LRRIQ3: variants seen among roughly 807,000 people sequenced by gnomAD.
LRRIQ3 encodes the protein leucine rich repeats and IQ motif containing 3.
A neutral mutation model predicts 59.3 loss-of-function variants in LRRIQ3; 75 were observed. That is an observed-to-expected ratio of 1.26 (90% CI 1.05 to 1.53). LRRIQ3 has a LOEUF of 1.53. Ranked by LOEUF, LRRIQ3 falls within the 40% of genes most tolerant of loss-of-function variation. The pLI, the probability that LRRIQ3 is intolerant of heterozygous loss-of-function variation, is 0.00. For synonymous variants in LRRIQ3, 250 were observed against 231.3 expected, an observed-to-expected ratio of 1.08 and a Z score of -0.73; for missense variants, 831 against 710.0, an observed-to-expected ratio of 1.17 and a Z score of -1.94.
intron 4 of LRRIQ3, among the ~76,000 whole-genome samples, chr1:74,153,646 G>A (rs1391581874): frequency 6.6e-6 from 1 of 152,152 alleles, no homozygotes; most frequent in Non-Finnish European, 1.5e-5. Flanking sequence ...CAGAGATACA[G>A]TCTCATAGAG....
intron 4 of LRRIQ3, among the ~76,000 whole-genome samples, chr1:74,128,185 C>T (rs541374929): frequency 2.6e-5 from 4 of 152,086 alleles, no homozygotes; most frequent in African/African-American, 9.6e-5. Flanking sequence ...TTATTAAATA[C>T]CTTGAGGTTG....
chr1:74,176,689 T>C (rs973403473), intron 3 of LRRIQ3, among the ~76,000 whole-genome samples: 3 of 152,092 alleles, frequency 2.0e-5, no homozygotes, highest in Non-Finnish European at 2.9e-5. Flanking sequence ...TCCTGTGTGG[T>C]CTTAATTGGC....
intron 3 of LRRIQ3, among the ~76,000 whole-genome samples, chr1:74,158,932 C>T (rs2100674865): frequency 6.6e-6 from 1 of 152,194 alleles, no homozygotes; most frequent in South Asian, 2.1e-4. Context: ...CCCTGGGCCC[C>T]TGAACTTTGG....
intron 3 of LRRIQ3, among the ~76,000 whole-genome samples, chr1:74,167,112 G>A (rs1360154277): frequency 6.6e-6 from 1 of 151,870 alleles, no homozygotes; most frequent in African/African-American, 2.4e-5. Flanking sequence ...TCTATCCAGA[G>A]GAAAAGAAGT....
intron 7 of LRRIQ3, among the ~76,000 whole-genome samples, chr1:74,036,712 C>T (rs1279380991): frequency 6.6e-6 from 1 of 152,146 alleles, no homozygotes; most frequent in Non-Finnish European, 1.5e-5. Flanking sequence ...ATGATCTTTA[C>T]ATGACTACAT....
At chr1:74,146,912 A>T (rs1647605597) in intron 4 of LRRIQ3, among the ~76,000 whole-genome samples, 1 of 152,248 alleles carries the variant, frequency 6.6e-6, no homozygotes, top group Non-Finnish European at 1.5e-5. Flanking sequence ...TTTTATAATA[A>T]ATAAAATAGT....
At chr1:74,061,734 A>T (rs754658735) in intron 6 of LRRIQ3, among the ~76,000 whole-genome samples, 23 of 152,150 alleles carry the variant, frequency 1.5e-4, no homozygotes, top group Non-Finnish European at 2.6e-4. Context: ...TTGCAACAAA[A>T]ACAAAACTTG....
At chr1:74,129,961 GC>G (rs1159482243) in intron 4 of LRRIQ3, among the ~76,000 whole-genome samples, 4 of 149,680 alleles carry the variant, frequency 2.7e-5, no homozygotes, top group Non-Finnish European at 6.0e-5. Flanking sequence ...TATCAAAGTT[GC>G]CCCCCCACCA....
chr1:74,141,151 A>G (rs1037823281), intron 4 of LRRIQ3, among the ~76,000 whole-genome samples: 7 of 151,884 alleles, frequency 4.6e-5, no homozygotes, highest in African/African-American at 1.7e-4. Flanking sequence ...AACACCTAAA[A>G]CACCTAAAGC....
At chr1:74,055,624 AT>A (rs2100428023) in intron 6 of LRRIQ3, among the ~76,000 whole-genome samples, 1 of 152,070 alleles carries the variant, frequency 6.6e-6, no homozygotes, top group South Asian at 2.1e-4. Context: ...TGGATATTTG[AT>A]TTTTTTATTT....
At chr1:74,188,568 C>A (rs1650558340) in intron 1 of LRRIQ3, among the ~76,000 whole-genome samples, 1 of 152,138 alleles carries the variant, frequency 6.6e-6, no homozygotes, top group African/African-American at 2.4e-5. Context: ...CTGATTCTAT[C>A]CACACATCCC....
intron 5 of LRRIQ3, among the ~76,000 whole-genome samples, chr1:74,104,474 T>C (rs1646580598): frequency 6.6e-6 from 1 of 152,008 alleles, no homozygotes; most frequent in African/African-American, 2.4e-5. Flanking sequence ...TTTCATACAA[T>C]GGAATATTAT....
intron 4 of LRRIQ3, among the ~76,000 whole-genome samples, chr1:74,130,909 C>CA (rs1336928619): frequency 4.6e-5 from 7 of 152,004 alleles, no homozygotes; most frequent in East Asian, 1.9e-4. Context: ...GATAAAGACA[C>CA]AAAAAACCCT....
chr1:74,124,361 CT>C (rs1646905054), intron 4 of LRRIQ3, among the ~76,000 whole-genome samples: 1 of 151,838 alleles, frequency 6.6e-6, no homozygotes, highest in Admixed American at 6.6e-5. Context: ...AGCTCTTTAA[CT>C]TTATGTGATC....
chr1:74,180,368 C>G (rs1039392635), intron 3 of LRRIQ3: 3 of 196,364 alleles, frequency 1.5e-5, no homozygotes, highest in African/African-American at 2.4e-5. Context: ...TAGGCTTTAA[C>G]TATGACCCCA....
intron 6 of LRRIQ3, among the ~76,000 whole-genome samples, chr1:74,045,677 G>A (rs964456407): frequency 1.3e-5 from 2 of 152,146 alleles, no homozygotes; most frequent in Admixed American, 6.5e-5. Flanking sequence ...AATTGTCTCT[G>A]TTTGCAGATG....
chr1:74,057,249 A>G (rs1242770670), intron 6 of LRRIQ3, among the ~76,000 whole-genome samples: 1 of 152,116 alleles, frequency 6.6e-6, no homozygotes, highest in East Asian at 1.9e-4. Context: ...GATCCTGAAT[A>G]TCCAAAGCAA....
intron 5 of LRRIQ3, among the ~76,000 whole-genome samples, chr1:74,101,273 G>T (rs183429667): frequency 1.0e-3 from 152 of 152,228 alleles, no homozygotes; most frequent in African/African-American, 3.6e-3. Context: ...CTTCTCGAAA[G>T]AAGACATTTA....
At chr1:74,052,116 TA>T (rs1010562225) in intron 6 of LRRIQ3, among the ~76,000 whole-genome samples, 1 of 152,182 alleles carries the variant, frequency 6.6e-6, no homozygotes, top group African/African-American at 2.4e-5. Flanking sequence ...ATCAGGATCT[TA>T]ATTTGAAGAT....
Sources: gnomAD v4.1 joint callset for allele counts (sites outside exome capture counted in the v4.1 genomes callset) on GRCh38, gnomAD v4.1.1 for gene constraint, MANE v1.5 for transcripts, NCBI Gene and HGNC (gene_info 2026-07-23, HGNC 2026-07-21) for gene names.